APC: variants seen among roughly 807,000 people sequenced by gnomAD.
APC encodes adenomatous polyposis coli protein.
Under a neutral mutation model 247.0 loss-of-function variants are expected in APC, and 72 were observed. That is an observed-to-expected ratio of 0.29 (90% confidence interval 0.24 to 0.35). The LOEUF (loss-of-function observed/expected upper bound fraction) is 0.35. APC is among the 10% of genes least tolerant of loss of function. The pLI is 1.00. For missense variants in APC, 3,400 were observed against 3,360.7 expected, an observed-to-expected ratio of 1.01 and a Z score of -0.29; for synonymous variants, 1,254 against 1,162.5, an observed-to-expected ratio of 1.08 and a Z score of -1.60.
At position 112,743,470 on chromosome 5, in the gene APC, T is replaced by C. The variant is rs112263467; in HGVS notation, c.-19+5545T>C. On this transcript the variant is annotated intron_variant, in intron 1 of 15. Coordinates refer to ENST00000257430, the MANE Select transcript of APC (RefSeq NM_000038.6). ...TTAGTTATTTTTACTTTTGCGAATG[T>C]GTGTTACTTTCTTTTGGTAATTTCA... 5.4e-3 allele frequency among the ~76,000 whole-genome samples: 828 copies of C among 152,358 alleles called. 11 individuals are homozygous for C. The highest frequency in any genetic ancestry group is 0.018 in the African/African-American group (769 of 41,576).
At chr5:112,716,060 T>A (rs147123856) in intron 1 of APC, among the ~76,000 whole-genome samples, 1 of 152,160 alleles carries the variant, frequency 6.6e-6, no homozygotes, top group Non-Finnish European at 1.5e-5. Context: ...GAGAACCGTA[T>A]TTTGAATTTT....
intron 7 of APC, among the ~76,000 whole-genome samples, chr5:112,792,897 G>A (rs551705030): frequency 1.3e-5 from 2 of 152,220 alleles, no homozygotes; most frequent in South Asian, 4.2e-4. Flanking sequence ...CCCCATTAAA[G>A]TGATAGTAAA....
At chr5:112,799,202 AAAG>A (rs1760529302) in intron 7 of APC, among the ~76,000 whole-genome samples, 1 of 151,558 alleles carries the variant, frequency 6.6e-6, no homozygotes, top group Admixed American at 6.6e-5. Context: ...AAAAAAAAAA[AAAG>A]GCACTTTAAT....
At chr5:112,724,265 CTTG>C (rs1203116746) in intron 1 of APC, among the ~76,000 whole-genome samples, 2 of 151,714 alleles carry the variant, frequency 1.3e-5, no homozygotes, top group East Asian at 3.9e-4. Context: ...GAAGAAAAAG[CTTG>C]TTGTTCAGAA....
intron 14 of APC, among the ~76,000 whole-genome samples, chr5:112,832,106 A>G (rs1329453300): frequency 6.6e-6 from 1 of 152,106 alleles, no homozygotes; most frequent in Non-Finnish European, 1.5e-5. Context: ...TTTTGCTGTT[A>G]CTACTTGTAT....
chr5:112,793,968 C>T lies in APC; in HGVS notation c.729+1439C>T, dbSNP rs111396378. On this transcript the variant is annotated intron_variant, in intron 7 of 15. Coordinates refer to ENST00000257430, the MANE Select transcript of APC (RefSeq NM_000038.6). The stretch of plus-strand genomic sequence containing the variant: ...ATGCCTTTACATTTGTAAATAACAG[C>T]ACTGGAAACTGGGAAGTAGGGTAGG... 4.9e-3 allele frequency among the ~76,000 whole-genome samples: 745 copies of T among 151,572 alleles called. 7 individuals are homozygous for T. The highest frequency in any genetic ancestry group is 0.017 in the African/African-American group (712 of 41,262).
chr5:112,722,567 C>T (rs546028212), intron 1 of APC, among the ~76,000 whole-genome samples: 1 of 152,072 alleles, frequency 6.6e-6, no homozygotes, highest in Non-Finnish European at 1.5e-5. Flanking sequence ...CCTCCTTCCC[C>T]CCAGTCCCAA....
intron 4 of APC, 24 bp from the exon 5 acceptor site, chr5:112,775,605 C>G (rs1757537781): frequency 1.4e-6 from 2 of 1,457,396 alleles, no homozygotes; most frequent in Non-Finnish European, 1.9e-6. Context: ...TTAAACGTAC[C>G]TTTTTTTAAA....
At chr5:112,749,752 T>C (rs918586231) in intron 1 of APC, among the ~76,000 whole-genome samples, 7 of 152,030 alleles carry the variant, frequency 4.6e-5, no homozygotes, top group Non-Finnish European at 1.0e-4. Context: ...CCCAAAGTGC[T>C]GGGATTACAG....
intron 8 of APC, among the ~76,000 whole-genome samples, chr5:112,804,586 G>A (rs944117865): frequency 6.6e-6 from 1 of 152,162 alleles, no homozygotes; most frequent in Non-Finnish European, 1.5e-5. Context: ...CATTGTGTTG[G>A]CCAGGATAGT....
rs1369181601 is a variant in APC, at chr5:112,707,639, G to T, written c.-79G>T. The T allele has an allele frequency of 1.5e-6, 2 of 1,351,042 alleles. No individual in the cohort carries two copies. Among genetic ancestry groups the T allele is most frequent in the Admixed American group, 4.4e-5 (2 of 45,722 alleles). The allele number at this position is 1,351,042 out of a possible 1,614,324, so 83.7% of individuals were successfully genotyped here. A position where few individuals can be genotyped will look rare whatever the true frequency, so the allele number is the denominator to read the frequency against. ...AGCTGCGGACCGAGGTTGGCTCGAT[G>T]CTGTTCCCAGGTACTGTTGTTGGCT... On this transcript the variant is annotated 5_prime_UTR_variant, in exon 1 of 14. Coordinates refer to the APC transcript ENST00000507379.
upstream of APC, chr5:112,737,793 G>A (rs924105261): frequency 4.2e-6 from 4 of 962,736 alleles, no homozygotes; most frequent in South Asian, 4.8e-5. Context: ...GGACCAGGGC[G>A]CTCCCCATTC....
intron 10 of APC, among the ~76,000 whole-genome samples, chr5:112,820,048 G>A (rs1762958827): frequency 6.6e-6 from 1 of 152,118 alleles, no homozygotes; most frequent in African/African-American, 2.4e-5. Context: ...GGGACCCTTA[G>A]ACCTCAGCCC....
intron 1 of APC, among the ~76,000 whole-genome samples, chr5:112,717,326 C>A (rs189822956): frequency 6.6e-6 from 1 of 152,212 alleles, no homozygotes; most frequent in Admixed American, 6.5e-5. Flanking sequence ...TTAATTCATT[C>A]TTATTTTTTC....
chr5:112,752,102 T>C (rs1754450435), intron 1 of APC, among the ~76,000 whole-genome samples: 1 of 152,160 alleles, frequency 6.6e-6, no homozygotes. Context: ...TATCTTCTAG[T>C]AAATTATTTT....
intron 1 of APC, among the ~76,000 whole-genome samples, chr5:112,717,422 CT>C (rs1165494030): frequency 6.6e-6 from 1 of 152,058 alleles, no homozygotes; most frequent in Non-Finnish European, 1.5e-5. Context: ...CATCTTTTTA[CT>C]TTTCGTATGA....
chr5:112,805,671 G>A (rs988497504), intron 8 of APC, among the ~76,000 whole-genome samples: 4 of 152,076 alleles, frequency 2.6e-5, no homozygotes, highest in Non-Finnish European at 5.9e-5. Flanking sequence ...ACACATGATC[G>A]CCTCTTGGGG....
At chr5:112,791,496 C>T (rs767412576) in intron 6 of APC, among the ~76,000 whole-genome samples, 10 of 152,102 alleles carry the variant, frequency 6.6e-5, no homozygotes, top group Non-Finnish European at 1.2e-4. Context: ...GAGCATGAAC[C>T]CGCTTGTGAA....
chr5:112,812,184 G>T (rs571956573), intron 8 of APC, among the ~76,000 whole-genome samples: 23 of 152,260 alleles, frequency 1.5e-4, no homozygotes, highest in African/African-American at 5.3e-4. Flanking sequence ...ATCTAGCCAA[G>T]ACTAAAGGGG....
Sources: allele counts gnomAD v4.1 joint callset (sites outside exome capture counted in the v4.1 genomes callset), GRCh38; gene constraint gnomAD v4.1.1; transcripts MANE v1.5; gene names NCBI Gene and HGNC (gene_info 2026-07-23, HGNC 2026-07-21).